The following ABCC9 variants were observed in gnomAD, a reference collection of about 807,000 sequenced individuals.
The protein encoded by ABCC9 is ATP binding cassette subfamily C member 9, also known as ATP-binding cassette sub-family C member 9.
ABCC9 carries 95 observed loss-of-function variants against 188.3 expected under a neutral mutation model. That is an observed-to-expected ratio of 0.50 (90% CI 0.43 to 0.60). The LOEUF (loss-of-function observed/expected upper bound fraction) is 0.60, where lower values mean the gene tolerates loss of function less well. Among genes scored for constraint, ABCC9 ranks in the 20% least tolerant of loss-of-function variants. The pLI is 0.00. For missense variants in ABCC9, 1,102 were observed against 1,876.3 expected (o/e 0.59, Z 7.62); for synonymous variants, 659 against 652.7 (o/e 1.01, Z -0.15).
chr12:21,806,420 A>T (rs543870880), intron 38 of ABCC9, among the ~76,000 whole-genome samples: 1 of 152,200 alleles, frequency 6.6e-6, no homozygotes. Flanking sequence ...CCTTTGAGTC[A>T]AAAAAGGGAA....
At chr12:21,857,930 G>A (rs1945311463) in intron 22 of ABCC9, among the ~76,000 whole-genome samples, 1 of 152,128 alleles carries the variant, frequency 6.6e-6, no homozygotes, top group South Asian at 2.1e-4. Flanking sequence ...GCAGTAACAG[G>A]AAATTTATAT....
chr12:21,919,287 T>C (rs532619301), intron 5 of ABCC9, among the ~76,000 whole-genome samples: 43 of 152,012 alleles, frequency 2.8e-4, no homozygotes, highest in Admixed American at 2.4e-3. Context: ...AGTCCCTAGC[T>C]AGACAGTTCA....
chr12:21,915,570 TG>T, intron 7 of ABCC9, 97 bp downstream of exon 7: 1 of 1,221,216 alleles, frequency 8.2e-7, no homozygotes, highest in Non-Finnish European at 1.1e-6. Flanking sequence ...TGGAGTGCAG[TG>T]GCCCAATCCT....
At chr12:21,933,738 C>G in intron 4 of ABCC9, 44 bp downstream of exon 4, 1 of 1,607,252 alleles carries the variant, frequency 6.2e-7, no homozygotes, top group Non-Finnish European at 8.5e-7. Flanking sequence ...ATCAATATAC[C>G]CACTGGTATA....
At position 21,845,719 on chromosome 12, in the gene ABCC9, G is replaced by T; in HGVS notation, c.2980C>A (p.Leu994Ile). ...AGCTTAGAGAAAATCATCAGGATGA[G>T]CAGGAAGAATCCTCCAGATGTCAGG... ...RYLTSGGFFL[L>I]ILMIFSKLLK... is the part of the protein sequence containing the mutation. The change falls in exon 26 of 40, where the codon CTC (leucine) becomes ATC (isoleucine). Residue 994 changes from leucine (L) to isoleucine (I), a missense_variant. Physicochemically the swap from Leu to Ile is conservative, Grantham distance 5 (BLOSUM62 2). Transcript: ENST00000261200. The T allele has an allele frequency of 6.2e-7, 1 of 1,613,872 alleles. No individual in the cohort carries two copies. Among genetic ancestry groups the T allele is most frequent in the South Asian group, 1.1e-5 (1 of 91,076 alleles).
chr12:21,915,414 ACGTGTATATATG>A (rs1212974698), intron 7 of ABCC9, among the ~76,000 whole-genome samples: 10 of 118,516 alleles, frequency 8.4e-5, no homozygotes, highest in East Asian at 2.8e-4. Flanking sequence ...GTATATAGAC[ACGTGTATATATG>A]TGTGTATATA....
intron 8 of ABCC9, 151 bp downstream of exon 8, chr12:21,912,721 G>A (rs1948377094): frequency 3.8e-6 from 3 of 781,236 alleles, no homozygotes; most frequent in Non-Finnish European, 6.0e-6. Context: ...TTTTCTAAAA[G>A]GAAAATTACT....
intron 30 of ABCC9, among the ~76,000 whole-genome samples, chr12:21,832,502 G>C (rs914876356): frequency 2.6e-5 from 4 of 151,910 alleles, no homozygotes; most frequent in African/African-American, 9.7e-5. Flanking sequence ...TAAAAATGCT[G>C]ATATTTATGA....
chr12:21,830,367 A>C (rs1271186242), intron 30 of ABCC9, among the ~76,000 whole-genome samples: 1 of 152,158 alleles, frequency 6.6e-6, no homozygotes, highest in African/African-American at 2.4e-5. Context: ...CCAAATCAAA[A>C]TGTGATTTAT....
chr12:21,815,641 G>T, intron 34 of ABCC9, 122 bp downstream of exon 34: 1 of 1,194,300 alleles, frequency 8.4e-7, no homozygotes, highest in Non-Finnish European at 1.2e-6. Context: ...CAGATAATTT[G>T]ACCTACATCA....
rs912332815 is a variant in ABCC9 at position 21,872,496 on chromosome 12, T to A, written c.2198+129A>T. 2.2e-5 allele frequency: 16 copies of A among 727,054 alleles called. 1 individual carries two copies. Among genetic ancestry groups the A allele is most frequent in the Non-Finnish European group, 3.6e-5 (15 of 420,522 alleles). The allele number at this position is 727,054 out of a possible 1,614,324, so 45.0% of individuals were successfully genotyped here. A position where few individuals can be genotyped will look rare whatever the true frequency, so the allele number is the denominator to read the frequency against. ...TTTTAAGGTTTCCATCAATTTTTTT[T>A]TTAAAGCTGTGCTTATTTCTGCGTG... On this transcript the variant is annotated intron_variant, in intron 18 of 39. Coordinates refer to ENST00000261200, the MANE Select transcript of ABCC9 (RefSeq NM_020297.4).
intron 5 of ABCC9, among the ~76,000 whole-genome samples, chr12:21,918,998 A>G (rs1017155342): frequency 1.3e-5 from 2 of 152,184 alleles, no homozygotes; most frequent in South Asian, 2.1e-4. Context: ...TAATATTAAA[A>G]TACATTAACT....
At chr12:21,809,410 G>T (rs1256718995) in intron 37 of ABCC9, among the ~76,000 whole-genome samples, 1 of 152,114 alleles carries the variant, frequency 6.6e-6, no homozygotes, top group Non-Finnish European at 1.5e-5. Context: ...TTCCCTCCTG[G>T]CAGCAGAGAA....
At chr12:21,858,230 T>A (rs1180873307) in intron 22 of ABCC9, among the ~76,000 whole-genome samples, 1 of 152,020 alleles carries the variant, frequency 6.6e-6, no homozygotes, top group Non-Finnish European at 1.5e-5. Flanking sequence ...CAGTAATTGA[T>A]CCCAAGGTTC....
At chr12:21,916,881 C>T (rs1948620259) in intron 6 of ABCC9, 56 bp downstream of exon 6, 1 of 1,491,998 alleles carries the variant, frequency 6.7e-7, no homozygotes, top group African/African-American at 1.4e-5. Flanking sequence ...TAACTGTAAT[C>T]TTTCATATTG....
chr12:21,840,545 G>A (rs550127194), intron 29 of ABCC9, among the ~76,000 whole-genome samples: 29 of 152,248 alleles, frequency 1.9e-4, no homozygotes, highest in Non-Finnish European at 3.8e-4. Context: ...GCAATAATAG[G>A]ACCAAATGAG....
At position 21,840,480 on chromosome 12, in the gene ABCC9, G is replaced by A. The variant is rs189534426; in HGVS notation, c.3473+1834C>T. Among the ~76,000 whole-genome samples, 479 of 152,244 alleles carry A rather than the reference G, an allele frequency of 3.1e-3. 4 individuals are homozygous for A. Among genetic ancestry groups the A allele is most frequent in the African/African-American group, 0.011 (460 of 41,534 alleles). On this transcript the variant is annotated intron_variant, in intron 29 of 39. Coordinates refer to ENST00000261200, the MANE Select transcript of ABCC9 (RefSeq NM_020297.4). Reference sequence around the variant, plus strand: ...TGAACAGAATTCACAATTCAAATTTGTGATGGACTAGGAATATTTTCCCAA... The same window carrying A: ...TGAACAGAATTCACAATTCAAATTTATGATGGACTAGGAATATTTTCCCAA...
At chr12:21,855,985 C>T (rs946152981) in intron 22 of ABCC9, among the ~76,000 whole-genome samples, 6 of 152,100 alleles carry the variant, frequency 3.9e-5, no homozygotes, top group African/African-American at 7.2e-5. Context: ...AGCCTCAGTA[C>T]GTTCATCTGT....
At chr12:21,848,291 G>C (rs1944787572) in intron 24 of ABCC9, 45 bp from the exon 25 acceptor site, 2 of 1,523,450 alleles carry the variant, frequency 1.3e-6, no homozygotes, top group Admixed American at 3.4e-5. Context: ...AACACCAATA[G>C]GTTGTGACTT....
Sources: allele counts gnomAD v4.1 joint callset (sites outside exome capture counted in the v4.1 genomes callset), GRCh38; gene constraint gnomAD v4.1.1; transcripts MANE v1.5; gene names NCBI Gene and HGNC (gene_info 2026-07-23, HGNC 2026-07-21).